The following KCNQ1OT1 variants were observed in gnomAD, a reference collection of about 807,000 sequenced individuals.
KCNQ1OT1 encodes the protein KCNQ1 opposite strand/antisense transcript 1, also known as KCNQ1 antisense RNA 2 (non-protein coding).
Position 2,647,481 on chromosome 11 carries a change from T to C in KCNQ1OT1, n.52514A>G. 5.0e-6 allele frequency: 2 copies of C among 398,570 alleles called. No individual in the cohort carries two copies. The highest frequency in any genetic ancestry group is 8.8e-6 in the Non-Finnish European group (2 of 226,044). The allele number at this position is 398,570 out of a possible 1,614,324, so 24.7% of individuals were successfully genotyped here. On this transcript the variant is annotated non_coding_transcript_exon_variant, in exon 1 of 1. Transcript: ENST00000597346. This position sits in a 1 kb window ranked among gnomAD's most constrained non-coding sequence, Gnocchi z 4.0. ...CTTTTTTGCTGTTATTGTGTCCTTATCTGGTTTTGGTATCAAGATACTGCT... is the reference window on the plus strand; with the variant it reads ...CTTTTTTGCTGTTATTGTGTCCTTACCTGGTTTTGGTATCAAGATACTGCT...
In KCNQ1OT1 at chr11:2,647,516, G is replaced by A. The variant is rs980553504; in HGVS notation, n.52479C>T. 5.0e-6 allele frequency: 2 copies of A among 398,432 alleles called. No homozygotes were observed. Among genetic ancestry groups the A allele is most frequent in the African/African-American group, 4.1e-5 (2 of 48,618 alleles). 24.7% of individuals were successfully genotyped at this position (398,432 alleles called of 1,614,324 possible). On this transcript the variant is annotated non_coding_transcript_exon_variant, in exon 1 of 1. Coordinates refer to ENST00000597346, the Ensembl canonical transcript of KCNQ1OT1. This position sits in a 1 kb window ranked among gnomAD's most constrained non-coding sequence, Gnocchi z 4.0. ...GTATCAAGATACTGCTTGCCTCACA[G>A]AATGAGTTAGGGAGAATTCCTTTCT... is the stretch of plus-strand genomic sequence containing the variant.
At chr11:2,680,007 C>T in exon 1 of KCNQ1OT1, 1 of 396,892 alleles carries the variant, frequency 2.5e-6, no homozygotes, top group Non-Finnish European at 4.4e-6. Context: ...AATTCTCCTG[C>T]CTTAGCCTCC....
exon 1 of KCNQ1OT1, chr11:2,625,613 G>C (rs1849249885): frequency 2.6e-6 from 1 of 379,696 alleles, no homozygotes. Context: ...GTCTCACTCT[G>C]TTGCCCAAGC....
At chr11:2,634,864 T>C (rs1392455637) in exon 1 of KCNQ1OT1, 1 of 152,364 alleles carries the variant, frequency 6.6e-6, no homozygotes, top group East Asian at 1.9e-4. Context: ...TTTTTAATGA[T>C]TGCCATTCTA....
At chr11:2,684,489 TCTC>T (rs1257455851) in exon 1 of KCNQ1OT1, 2 of 398,534 alleles carry the variant, frequency 5.0e-6, no homozygotes, top group African/African-American at 4.1e-5. Context: ...CTGGCTGAGT[TCTC>T]CTTCTATTCC....
In KCNQ1OT1 at chr11:2,695,309, G is replaced by C. The variant is rs185407774; in HGVS notation, n.4686C>G. On this transcript the variant is annotated non_coding_transcript_exon_variant, in exon 1 of 1. Transcript: ENST00000597346. This position sits in a 1 kb window ranked among gnomAD's most constrained non-coding sequence, Gnocchi z 5.2. Reference sequence around the variant, plus strand: ...CCTCCCTACACAAACAGCTTCTCCAGGGTAATTTATTTATATCATTGTGTG... The same window carrying C: ...CCTCCCTACACAAACAGCTTCTCCACGGTAATTTATTTATATCATTGTGTG... 2 of 397,246 alleles carry C rather than the reference G, an allele frequency of 5.0e-6. No individual in the cohort carries two copies. The highest frequency in any genetic ancestry group is 8.9e-6 in the Non-Finnish European group (2 of 225,892). The allele number at this position is 397,246 out of a possible 1,614,324, so 24.6% of individuals were successfully genotyped here.
At chr11:2,689,662 A>C (rs1273683026) in exon 1 of KCNQ1OT1, 2 of 398,574 alleles carry the variant, frequency 5.0e-6, no homozygotes, top group African/African-American at 2.1e-5. Flanking sequence ...AAGCCTCCTG[A>C]GAGGGCCAGG....
exon 1 of KCNQ1OT1, chr11:2,640,907 T>G (rs1286361197): frequency 7.5e-6 from 3 of 399,450 alleles, no homozygotes; most frequent in Non-Finnish European, 8.8e-6. Context: ...AGCTCCCACA[T>G]ATGATAATAA....
exon 1 of KCNQ1OT1, chr11:2,619,635 T>C (rs992621221): frequency 1.3e-5 from 5 of 398,478 alleles, no homozygotes; most frequent in African/African-American, 2.1e-5. Flanking sequence ...CCTTTTCTTG[T>C]GATGCCTTTG....
chr11:2,635,013 A>G (rs571583401), exon 1 of KCNQ1OT1: 1 of 152,300 alleles, frequency 6.6e-6, no homozygotes, highest in Admixed American at 6.5e-5. Context: ...ACCTTTGCCC[A>G]CTTTTTGATA....
At chr11:2,622,072 C>T in exon 1 of KCNQ1OT1, 1 of 398,222 alleles carries the variant, frequency 2.5e-6, no homozygotes, top group Non-Finnish European at 4.4e-6. Flanking sequence ...GTTGTGTTCC[C>T]ACTGTCATTT....
rs1455897801 is a variant in KCNQ1OT1 at position 2,651,355 on chromosome 11, A to G, written n.48640T>C. The G allele has an allele frequency of 1.0e-5, 4 of 398,572 alleles. No individual in the cohort carries two copies. Among genetic ancestry groups the G allele is most frequent in the Admixed American group, 8.8e-5 (2 of 22,716 alleles). The allele number at this position is 398,572 out of a possible 1,614,324, so 24.7% of individuals were successfully genotyped here. A position where few individuals can be genotyped will look rare whatever the true frequency, so the allele number is the denominator to read the frequency against. On this transcript the variant is annotated non_coding_transcript_exon_variant, in exon 1 of 1. Transcript: ENST00000597346. The surrounding 1 kb of genome is among the most constrained non-coding windows in gnomAD (Gnocchi z 6.1). ...TACAAGCGGCTGAGAGAGCTGGGGTATTTATCTTTCACTAGTGAGTGCTGC... is the reference window on the plus strand; with the variant it reads ...TACAAGCGGCTGAGAGAGCTGGGGTGTTTATCTTTCACTAGTGAGTGCTGC...
rs1388579983 is a variant in KCNQ1OT1, at chr11:2,642,715, GGTTT to G, written n.57276_57279del. On this transcript the variant is annotated non_coding_transcript_exon_variant, in exon 1 of 1. Coordinates refer to ENST00000597346, the Ensembl canonical transcript of KCNQ1OT1. This position sits in a 1 kb window ranked among gnomAD's most constrained non-coding sequence, Gnocchi z 4.3. Reference sequence around the variant, plus strand: ...CTTCTACTAATTTTATGTTTAGTATGGTTTGTTCTTGCTTTTCTGGTTCCTTCAG... The same window carrying G: ...CTTCTACTAATTTTATGTTTAGTATGGTTCTTGCTTTTCTGGTTCCTTCAG... The G allele has an allele frequency of 1.0e-5, 4 of 397,500 alleles. No individual in the cohort carries two copies. The highest frequency in any genetic ancestry group is 1.8e-5 in the Non-Finnish European group (4 of 225,600). 24.6% of individuals were successfully genotyped at this position (397,500 alleles called of 1,614,324 possible).
rs994879010 is a variant in KCNQ1OT1, at chr11:2,642,618, T to G, written n.57377A>C. 15 of 397,840 alleles carry G rather than the reference T, an allele frequency of 3.8e-5. No homozygotes were observed. The highest frequency in any genetic ancestry group is 5.3e-5 in the Non-Finnish European group (12 of 225,688). The allele number at this position is 397,840 out of a possible 1,614,324, so 24.6% of individuals were successfully genotyped here. A position where few individuals can be genotyped will look rare whatever the true frequency, so the allele number is the denominator to read the frequency against. On this transcript the variant is annotated non_coding_transcript_exon_variant, in exon 1 of 1. Transcript: ENST00000597346. This position sits in a 1 kb window ranked among gnomAD's most constrained non-coding sequence, Gnocchi z 4.3. ...TTTTGTTTCTTTTCAAAAACCGATTTTGCATTTCATTGATCCTTTATATTT... is the reference window on the plus strand; with the variant it reads ...TTTTGTTTCTTTTCAAAAACCGATTGTGCATTTCATTGATCCTTTATATTT...
exon 1 of KCNQ1OT1, chr11:2,688,946 T>C: frequency 2.5e-6 from 1 of 398,800 alleles, no homozygotes; most frequent in Non-Finnish European, 4.4e-6. Flanking sequence ...TGTCACCCAC[T>C]GGGCCTAGGG....
At chr11:2,610,659 CT>C in exon 1 of KCNQ1OT1, 1 of 363,876 alleles carries the variant, frequency 2.7e-6, no homozygotes, top group East Asian at 3.9e-5. Context: ...TCTGGGAATG[CT>C]TTTATTTTGC....
At chr11:2,637,479 T>C (rs1849492019) in exon 1 of KCNQ1OT1, 1 of 152,266 alleles carries the variant, frequency 6.6e-6, no homozygotes, top group South Asian at 2.1e-4. Context: ...TCAGTTTCCA[T>C]GTCGTTGAGC....
chr11:2,675,794 C>G (rs1442128775), exon 1 of KCNQ1OT1: 1 of 398,620 alleles, frequency 2.5e-6, no homozygotes, highest in African/African-American at 2.1e-5. Flanking sequence ...GCCCGCAGGG[C>G]ATACCAGCCA....
rs1369930566 is a variant in KCNQ1OT1, at chr11:2,691,403, C to A, written n.8592G>T. The A allele has an allele frequency of 7.5e-6, 3 of 398,552 alleles. No homozygotes were observed. Among genetic ancestry groups the A allele is most frequent in the African/African-American group, 2.1e-5 (1 of 48,634 alleles). 24.7% of individuals were successfully genotyped at this position (398,552 alleles called of 1,614,324 possible). On this transcript the variant is annotated non_coding_transcript_exon_variant, in exon 1 of 1. Transcript: ENST00000597346. The surrounding 1 kb of genome is among the most constrained non-coding windows in gnomAD (Gnocchi z 6.4). ...GGGTCTGGGCATAGAAGCCCAGGAA[C>A]TGCTGTCTGTGGGGAGTCCACTGAA...
Sources: allele counts gnomAD v4.1 joint callset, GRCh38; gene constraint gnomAD v4.1.1; non-coding constraint Gnocchi (gnomAD v3.1); transcripts MANE v1.5; gene names NCBI Gene and HGNC (gene_info 2026-07-23, HGNC 2026-07-21).